The following CCSER1 variants were observed in gnomAD, a reference collection of about 807,000 sequenced individuals.
CCSER1 encodes the protein serine-rich coiled-coil domain-containing protein 1.
In CCSER1, 41 loss-of-function variants were observed where a neutral mutation model predicts 82.0. The observed-to-expected ratio is 0.50, with a 90% confidence interval of 0.39 to 0.65. The LOEUF (loss-of-function observed/expected upper bound fraction) is 0.65, where lower values mean the gene tolerates loss of function less well. Among genes scored for constraint, CCSER1 ranks in the 30% least tolerant of loss-of-function variants. The pLI is 0.00. For missense variants in CCSER1, 1,119 were observed against 1,064.2 expected, an observed-to-expected ratio of 1.05 and a Z score of -0.72; for synonymous variants, 414 against 383.9, an observed-to-expected ratio of 1.08 and a Z score of -0.92.
intron 10 of CCSER1, among the ~76,000 whole-genome samples, chr4:91,562,410 C>A (rs1178008033): frequency 6.6e-6 from 1 of 151,402 alleles, no homozygotes; most frequent in African/African-American, 2.4e-5. Flanking sequence ...TCATTGTTTT[C>A]AGAATATTCT....
chr4:90,369,537 A>G (rs1323492437), intron 3 of CCSER1, among the ~76,000 whole-genome samples: 1 of 152,030 alleles, frequency 6.6e-6, no homozygotes, highest in Non-Finnish European at 1.5e-5. Context: ...GAGAAGTTAG[A>G]TGAAGTAATA....
At chr4:90,322,360 C>T (rs951710832) in intron 3 of CCSER1, among the ~76,000 whole-genome samples, 3 of 152,162 alleles carry the variant, frequency 2.0e-5, no homozygotes, top group African/African-American at 7.2e-5. Flanking sequence ...ATGATACTAC[C>T]ATGCTATTTT....
At chr4:91,357,011 G>C (rs548357197) in intron 10 of CCSER1, among the ~76,000 whole-genome samples, 3 of 152,194 alleles carry the variant, frequency 2.0e-5, no homozygotes, top group African/African-American at 4.8e-5. Context: ...CATAACAGTT[G>C]CTTTGTTTAA....
At chr4:90,521,538 G>C (rs890883741) in intron 5 of CCSER1, among the ~76,000 whole-genome samples, 2 of 152,066 alleles carry the variant, frequency 1.3e-5, no homozygotes, top group African/African-American at 2.4e-5. Context: ...CTGTCCACTG[G>C]AGAGCGCAAT....
chr4:90,911,977 C>A (rs1344566941), intron 8 of CCSER1, among the ~76,000 whole-genome samples: 3 of 152,202 alleles, frequency 2.0e-5, no homozygotes, highest in African/African-American at 7.2e-5. Flanking sequence ...AACAAAGCAG[C>A]CTGGAAGCTG....
intron 5 of CCSER1, among the ~76,000 whole-genome samples, chr4:90,509,098 G>A (rs1771119108): frequency 6.6e-6 from 1 of 152,018 alleles, no homozygotes; most frequent in African/African-American, 2.4e-5. Context: ...TCATAGAAGA[G>A]TTTGGGAATT....
chr4:91,535,375 GTCA>G (rs1761244205), intron 10 of CCSER1, among the ~76,000 whole-genome samples: 3 of 151,980 alleles, frequency 2.0e-5, no homozygotes, highest in African/African-American at 7.2e-5. Flanking sequence ...GAAGCAGGTA[GTCA>G]TAGAACCAGA....
chr4:90,703,574 G>A (rs1738625773), intron 6 of CCSER1, among the ~76,000 whole-genome samples: 1 of 152,164 alleles, frequency 6.6e-6, no homozygotes, highest in African/African-American at 2.4e-5. Context: ...ACAGTGGGGT[G>A]TTAAAGTCTC....
intron 10 of CCSER1, among the ~76,000 whole-genome samples, chr4:91,321,490 A>G (rs943246404): frequency 1.3e-5 from 2 of 152,108 alleles, no homozygotes; most frequent in Non-Finnish European, 2.9e-5. Flanking sequence ...TGATTTCTTC[A>G]AAAGCAGGAG....
At chr4:90,391,821 T>G (rs1020047065) in intron 3 of CCSER1, among the ~76,000 whole-genome samples, 1 of 151,736 alleles carries the variant, frequency 6.6e-6, no homozygotes, top group Non-Finnish European at 1.5e-5. Flanking sequence ...TTTCCCAGAT[T>G]TTTTTTATAT....
intron 10 of CCSER1, among the ~76,000 whole-genome samples, chr4:91,286,655 C>T (rs932167058): frequency 6.7e-6 from 1 of 150,324 alleles, no homozygotes; most frequent in Non-Finnish European, 1.5e-5. Flanking sequence ...ATTCAAAATA[C>T]AAGAACTGAT....
At chr4:90,187,729 G>A (rs1734876846) in intron 1 of CCSER1, among the ~76,000 whole-genome samples, 2 of 151,884 alleles carry the variant, frequency 1.3e-5, no homozygotes, top group Admixed American at 1.3e-4. Context: ...GGGAGAGAAT[G>A]ATAAATATGA....
chr4:91,176,310 C>G (rs1406918550), intron 10 of CCSER1, among the ~76,000 whole-genome samples: 1 of 152,144 alleles, frequency 6.6e-6, no homozygotes, highest in Non-Finnish European at 1.5e-5. Flanking sequence ...AATGTGGTCT[C>G]TTTTTTGGTT....
At chr4:90,888,662 G>A (rs1722510826) in intron 8 of CCSER1, among the ~76,000 whole-genome samples, 1 of 152,094 alleles carries the variant, frequency 6.6e-6, no homozygotes, top group African/African-American at 2.4e-5. Flanking sequence ...ATTTCTGCAT[G>A]TCTTTTCATT....
intron 9 of CCSER1, among the ~76,000 whole-genome samples, chr4:91,004,272 T>C (rs543176814): frequency 6.6e-6 from 1 of 152,270 alleles, no homozygotes; most frequent in East Asian, 1.9e-4. Context: ...CCAAGTCTCA[T>C]CTTAATGGAA....
intron 7 of CCSER1, among the ~76,000 whole-genome samples, chr4:90,786,070 A>C (rs1754470542): frequency 6.6e-6 from 1 of 152,146 alleles, no homozygotes; most frequent in African/African-American, 2.4e-5. Flanking sequence ...TACAGTCTGA[A>C]TGGGGCTGAG....
intron 10 of CCSER1, among the ~76,000 whole-genome samples, chr4:91,351,393 C>T (rs1748461481): frequency 6.6e-6 from 1 of 151,932 alleles, no homozygotes; most frequent in Non-Finnish European, 1.5e-5. Context: ...AAATGAGATT[C>T]TTAATCTTTG....
At chr4:91,367,229 A>G (rs1451580437) in intron 10 of CCSER1, among the ~76,000 whole-genome samples, 3 of 147,750 alleles carry the variant, frequency 2.0e-5, no homozygotes, top group African/African-American at 7.5e-5. Context: ...AGGTGGGAGG[A>G]TCACCTGAGC....
chr4:91,567,861 C>T (rs1222038412), intron 10 of CCSER1, among the ~76,000 whole-genome samples: 2 of 152,106 alleles, frequency 1.3e-5, no homozygotes, highest in Non-Finnish European at 2.9e-5. Flanking sequence ...AGCCCATTTA[C>T]ACTCAAGGTT....
Sources: gnomAD v4.1 joint callset for allele counts (sites outside exome capture counted in the v4.1 genomes callset) on GRCh38, gnomAD v4.1.1 for gene constraint, MANE v1.5 for transcripts, NCBI Gene and HGNC (gene_info 2026-07-23, HGNC 2026-07-21) for gene names.